The following PDZRN4 variants were observed in gnomAD, a reference collection of about 807,000 sequenced individuals.
The protein encoded by PDZRN4 is PDZ domain-containing RING finger protein 4.
In PDZRN4, 70 loss-of-function variants were observed where a neutral mutation model predicts 99.0. The ratio of observed to expected loss-of-function variants is 0.71; its 90% CI spans 0.58 to 0.86. The LOEUF (loss-of-function observed/expected upper bound fraction) is 0.86, where lower values mean the gene tolerates loss of function less well. Among genes scored for constraint, PDZRN4 ranks in the 40% least tolerant of loss-of-function variants. The pLI is 0.00. For synonymous variants in PDZRN4, 551 were observed against 501.6 expected (o/e 1.10, Z -1.32); for missense variants, 1,474 against 1,331.2 (o/e 1.11, Z -1.67).
chr12:41,467,546 A>G (rs928053841), intron 3 of PDZRN4, among the ~76,000 whole-genome samples: 1 of 152,218 alleles, frequency 6.6e-6, no homozygotes, highest in Admixed American at 6.5e-5. Flanking sequence ...TCTGGGTTCT[A>G]TATTCATTCA....
intron 3 of PDZRN4, among the ~76,000 whole-genome samples, chr12:41,310,696 G>T (rs530936651): frequency 6.6e-6 from 1 of 152,264 alleles, no homozygotes; most frequent in South Asian, 2.1e-4. Context: ...TTACAGAAAA[G>T]CAAAGGCTAC....
At chr12:41,325,096 A>G (rs910706379) in intron 3 of PDZRN4, among the ~76,000 whole-genome samples, 1 of 152,130 alleles carries the variant, frequency 6.6e-6, no homozygotes, top group Non-Finnish European at 1.5e-5. Flanking sequence ...ATTTAAATGT[A>G]TATAATTAAT....
intron 8 of PDZRN4, among the ~76,000 whole-genome samples, chr12:41,565,986 A>G (rs7313050): frequency 0.14 from 20,889 of 152,134 alleles, 1,573 homozygotes; most frequent in South Asian, 0.28. Flanking sequence ...GACTCAGACC[A>G]TAGTGAATGT....
chr12:41,534,002 T>C (rs1322240473), intron 5 of PDZRN4, among the ~76,000 whole-genome samples: 2 of 152,180 alleles, frequency 1.3e-5, no homozygotes, highest in Admixed American at 6.5e-5. Context: ...TCTTAGAAAT[T>C]TGAGTTTAAC....
intron 3 of PDZRN4, among the ~76,000 whole-genome samples, chr12:41,270,307 GT>G (rs1464750940): frequency 1.6e-4 from 24 of 147,756 alleles, no homozygotes; most frequent in African/African-American, 5.6e-4. Context: ...GTGTCTGTGT[GT>G]GTGGTGTGTG....
intron 7 of PDZRN4, among the ~76,000 whole-genome samples, chr12:41,560,216 C>T (rs1160584343): frequency 6.6e-6 from 1 of 152,090 alleles, no homozygotes; most frequent in Non-Finnish European, 1.5e-5. Context: ...TTTCTTATTG[C>T]CTAAGATTCT....
chr12:41,549,209 A>T (rs1350728205), intron 5 of PDZRN4, among the ~76,000 whole-genome samples: 1 of 152,176 alleles, frequency 6.6e-6, no homozygotes, highest in African/African-American at 2.4e-5. Context: ...GTGTTTCATC[A>T]AACAGCTTCC....
At chr12:41,363,313 T>C (rs1261370078) in intron 3 of PDZRN4, among the ~76,000 whole-genome samples, 1 of 152,146 alleles carries the variant, frequency 6.6e-6, no homozygotes, top group Non-Finnish European at 1.5e-5. Context: ...TGTGCATTTT[T>C]ATCTTCATTA....
intron 3 of PDZRN4, among the ~76,000 whole-genome samples, chr12:41,209,921 CACTG>C (rs1458494026): frequency 6.7e-6 from 1 of 149,464 alleles, no homozygotes; most frequent in Non-Finnish European, 1.5e-5. Context: ...GGAATCACCA[CACTG>C]ACTTCCACAA....
At chr12:41,530,990 A>AG (rs1214249415) in intron 5 of PDZRN4, among the ~76,000 whole-genome samples, 3 of 151,874 alleles carry the variant, frequency 2.0e-5, no homozygotes, top group African/African-American at 7.3e-5. Flanking sequence ...AGCAGTGTCT[A>AG]GGGGTAGATA....
At chr12:41,477,914 A>T in intron 3 of PDZRN4, 1 of 1,541,920 alleles carries the variant, frequency 6.5e-7, no homozygotes, top group Non-Finnish European at 8.7e-7. Context: ...CATGTTGGCC[A>T]TCCACTGTAA....
rs1185246021 is a variant in PDZRN4, at chr12:41,261,650, CA to C, written c.843+67463del. Among the ~76,000 whole-genome samples the C allele has an allele frequency of 3.3e-5, 5 of 152,194 alleles. No individual in the cohort carries two copies. In the East Asian group the frequency reaches 7.7e-4, roughly 24 times the overall value. On this transcript the variant is annotated intron_variant, in intron 3 of 9. Transcript: ENST00000402685. ...GACTACAGGCGTGCACCACCTCGCC[CA>C]GCTAATATTTTGTATTTTTAGTAGA...
chr12:41,523,522 A>G (rs1592096524), intron 5 of PDZRN4, among the ~76,000 whole-genome samples: 1 of 152,292 alleles, frequency 6.6e-6, no homozygotes, highest in East Asian at 1.9e-4. Flanking sequence ...CACATTGCTC[A>G]GCAAATATTT....
intron 3 of PDZRN4, among the ~76,000 whole-genome samples, chr12:41,268,931 A>G (rs1591991401): frequency 6.6e-6 from 1 of 152,190 alleles, no homozygotes; most frequent in East Asian, 1.9e-4. Context: ...TTGCCTTATA[A>G]ATTATCAACT....
At chr12:41,218,904 C>A (rs1340144302) in intron 3 of PDZRN4, among the ~76,000 whole-genome samples, 5 of 150,934 alleles carry the variant, frequency 3.3e-5, no homozygotes, top group South Asian at 4.2e-4. Context: ...CATTATTATT[C>A]CAATAGCTAG....
At chr12:41,375,884 A>G (rs1442217443) in intron 3 of PDZRN4, among the ~76,000 whole-genome samples, 1 of 152,076 alleles carries the variant, frequency 6.6e-6, no homozygotes, top group African/African-American at 2.4e-5. Context: ...TATATTTTGT[A>G]TCCTTTGAAC....
At chr12:41,419,901 A>G (rs974187304) in intron 3 of PDZRN4, among the ~76,000 whole-genome samples, 1 of 152,170 alleles carries the variant, frequency 6.6e-6, no homozygotes, top group African/African-American at 2.4e-5. Flanking sequence ...TGTTTTGCAT[A>G]TGCTTGATGT....
intron 2 of PDZRN4, among the ~76,000 whole-genome samples, chr12:41,193,595 T>C (rs917010071): frequency 6.6e-6 from 1 of 152,196 alleles, no homozygotes. Context: ...CCAGTGTCTC[T>C]TGTGAATAGA....
chr12:41,507,685 T>C (rs1592089737), intron 4 of PDZRN4, among the ~76,000 whole-genome samples: 2 of 152,094 alleles, frequency 1.3e-5, no homozygotes, highest in South Asian at 4.1e-4. Flanking sequence ...GCATCAGAAA[T>C]TTTCAAAAGT....
Sources: gnomAD v4.1 joint callset for allele counts (sites outside exome capture counted in the v4.1 genomes callset) on GRCh38, gnomAD v4.1.1 for gene constraint, MANE v1.5 for transcripts, NCBI Gene and HGNC (gene_info 2026-07-23, HGNC 2026-07-21) for gene names.